Variants in HSD11B1 observed in about 807,000 individuals in gnomAD.
The protein encoded by HSD11B1 is hydroxysteroid 11-beta dehydrogenase 1.
In HSD11B1, 15 loss-of-function variants were observed where a neutral mutation model predicts 22.1. The ratio of observed to expected loss-of-function variants is 0.68; its 90% confidence interval spans 0.45 to 1.04. The LOEUF is 1.04. Among genes scored for constraint, HSD11B1 ranks in the 50% least tolerant of loss-of-function variants. The pLI, the probability that HSD11B1 is intolerant of heterozygous loss-of-function variation, is 0.00. For synonymous variants in HSD11B1, 122 were observed against 125.2 expected (o/e 0.97, Z 0.17); for missense variants, 281 against 357.6 (o/e 0.79, Z 1.73).
Position 209,705,670 on chromosome 1 carries a change from T to C in HSD11B1, c.89-141T>C, listed in dbSNP as rs1386544163. On this transcript the variant is annotated intron_variant, in intron 1 of 5. Transcript: ENST00000367027. ...AAGACCTGGCCTGTTCCCACAGTGA[T>C]TTACGGAGTTTGTGACAAACTGATC... is the stretch of plus-strand genomic sequence containing the variant. 4 of 1,015,848 alleles carry C rather than the reference T, an allele frequency of 3.9e-6. No individual in the cohort carries two copies. In the East Asian group the frequency reaches 1.0e-4, roughly 26 times the overall value. 62.9% of individuals were successfully genotyped at this position (1,015,848 alleles called of 1,614,324 possible).
intron 4 of HSD11B1, among the ~76,000 whole-genome samples, chr1:209,727,732 G>A (rs1194208384): frequency 2.0e-5 from 3 of 152,104 alleles, no homozygotes; most frequent in Non-Finnish European, 2.9e-5. Context: ...TTCTACACTG[G>A]CACATAAGAG....
intron 4 of HSD11B1, 102 bp downstream of exon 4, chr1:209,707,230 C>A: frequency 4.0e-6 from 4 of 997,886 alleles, no homozygotes; most frequent in Non-Finnish European, 4.7e-6. Flanking sequence ...AGTTTCCATG[C>A]AGAGAAGTAA....
At chr1:209,711,881 T>A (rs1293290485) in intron 4 of HSD11B1, among the ~76,000 whole-genome samples, 1 of 152,156 alleles carries the variant, frequency 6.6e-6, no homozygotes, top group Admixed American at 6.6e-5. Flanking sequence ...AGGAAGACTC[T>A]TTGATGAAGA....
At chr1:209,708,828 A>G (rs982533143) in intron 4 of HSD11B1, among the ~76,000 whole-genome samples, 3 of 152,216 alleles carry the variant, frequency 2.0e-5, no homozygotes, top group East Asian at 1.9e-4. Flanking sequence ...CTGTTTCCCC[A>G]TATCTCCTAC....
intron 4 of HSD11B1, among the ~76,000 whole-genome samples, chr1:209,716,506 C>T (rs2076931242): frequency 6.6e-6 from 1 of 151,744 alleles, no homozygotes; most frequent in African/African-American, 2.4e-5. Flanking sequence ...ATACCAAGAG[C>T]AATCTATAGA....
Position 209,704,941 on chromosome 1 carries a change from G to A in HSD11B1, c.-2G>A, listed in dbSNP as rs13306421. On this transcript the variant is annotated 5_prime_UTR_variant, in exon 1 of 6. Coordinates refer to ENST00000367027, the MANE Select transcript of HSD11B1 (RefSeq NM_005525.4). ...GGAGTCTTCAGGCCAGCTCCCTGTC[G>A]GATGGCTTTTATGAAAAAATATCTC... is the stretch of plus-strand genomic sequence containing the variant. 1.5e-4 allele frequency: 244 copies of A among 1,613,114 alleles called. 1 individual carries two copies. In the East Asian group the frequency reaches 1.7e-3, roughly 11 times the overall value.
At chr1:209,696,567 C>T (rs542013860) in intron 1 of HSD11B1, among the ~76,000 whole-genome samples, 2 of 152,068 alleles carry the variant, frequency 1.3e-5, no homozygotes, top group African/African-American at 2.4e-5. Context: ...AAGGGAATTA[C>T]GCAGGGAATA....
intron 1 of HSD11B1, among the ~76,000 whole-genome samples, chr1:209,692,320 T>C (rs1024200361): frequency 5.3e-5 from 8 of 151,720 alleles, no homozygotes; most frequent in African/African-American, 1.9e-4. Flanking sequence ...TAAAAACAGG[T>C]TTTAATCGGG....
chr1:209,714,101 G>A (rs2076915425), intron 4 of HSD11B1, among the ~76,000 whole-genome samples: 1 of 152,226 alleles, frequency 6.6e-6, no homozygotes. Context: ...CCAAGGCTAT[G>A]GCAGGGAGCA....
At chr1:209,732,377 C>T in intron 4 of HSD11B1, 59 bp from the exon 5 acceptor site, 1 of 1,593,430 alleles carries the variant, frequency 6.3e-7, no homozygotes, top group Non-Finnish European at 8.6e-7. Flanking sequence ...CCTACTACAG[C>T]TCTGTAAGAA....
intron 4 of HSD11B1, among the ~76,000 whole-genome samples, chr1:209,725,411 T>A (rs1404223993): frequency 1.3e-5 from 2 of 152,236 alleles, no homozygotes; most frequent in African/African-American, 4.8e-5. Flanking sequence ...CTTCCTTTCA[T>A]CAAGCAGAAT....
At chr1:209,689,207 A>G (rs182903805) in intron 1 of HSD11B1, among the ~76,000 whole-genome samples, 1 of 152,290 alleles carries the variant, frequency 6.6e-6, no homozygotes, top group Admixed American at 6.5e-5. Flanking sequence ...CTCCCAGAAC[A>G]CAAACAGCCT....
At chr1:209,702,394 A>G (rs2076831204), upstream of HSD11B1, among the ~76,000 whole-genome samples, 1 of 152,238 alleles carries the variant, frequency 6.6e-6, no homozygotes, top group African/African-American at 2.4e-5. Context: ...ACAAAGATGA[A>G]AAAGACATAA....
intron 4 of HSD11B1, among the ~76,000 whole-genome samples, chr1:209,727,509 C>T (rs1442506293): frequency 2.0e-5 from 3 of 152,146 alleles, no homozygotes; most frequent in East Asian, 1.9e-4. Flanking sequence ...TTGGACTCGA[C>T]TATCAAAAGA....
At chr1:209,719,582 G>A (rs1011924133) in intron 4 of HSD11B1, among the ~76,000 whole-genome samples, 5 of 152,110 alleles carry the variant, frequency 3.3e-5, no homozygotes, top group South Asian at 2.1e-4. Context: ...GATAGGCCCC[G>A]GCGTGTGATG....
chr1:209,697,789 C>T (rs895017126), intron 1 of HSD11B1, among the ~76,000 whole-genome samples: 58 of 151,594 alleles, frequency 3.8e-4, no homozygotes, highest in African/African-American at 1.2e-3. Context: ...TCTTAAAGCC[C>T]ACTGCCACTT....
chr1:209,686,257 A>C (rs2076727917), upstream of HSD11B1: 2 of 152,368 alleles, frequency 1.3e-5, no homozygotes, highest in East Asian at 3.9e-4. Context: ...CATCAATAAA[A>C]AGAAGTCAGA....
intron 4 of HSD11B1, among the ~76,000 whole-genome samples, chr1:209,730,381 T>C (rs1373110800): frequency 6.6e-6 from 1 of 152,184 alleles, no homozygotes; most frequent in Non-Finnish European, 1.5e-5. Flanking sequence ...TGAGGTTCCT[T>C]AGGAGGAAAG....
In HSD11B1 at chr1:209,705,015, G is replaced by C. The variant is rs141179784; in HGVS notation, c.73G>C (p.Glu25Gln). ...FMAYYYYSAN[E>Q]EFRPEMLQGK... ...GGCCTACTACTACTATTCTGCAAAC[G>C]AGGAATTCAGACCAGGTAAGTACCC... The change falls in exon 1 of 6, where the codon GAG becomes CAG. Residue 25 changes from glutamate to glutamine, a missense_variant. Physicochemically the swap from Glu to Gln is conservative, Grantham distance 29. Transcript: ENST00000367027. 1.7e-5 allele frequency: 28 copies of C among 1,613,394 alleles called. No individual in the cohort carries two copies. The highest frequency in any genetic ancestry group is 2.3e-5 in the Non-Finnish European group (27 of 1,179,386).
Sources: gnomAD v4.1 joint callset for allele counts (sites outside exome capture counted in the v4.1 genomes callset) on GRCh38, gnomAD v4.1.1 for gene constraint, MANE v1.5 for transcripts, NCBI Gene and HGNC (gene_info 2026-07-23, HGNC 2026-07-21) for gene names.